INPP5D: variants seen among roughly 807,000 people sequenced by gnomAD.
The protein encoded by INPP5D is phosphatidylinositol 3,4,5-trisphosphate 5-phosphatase 1.
INPP5D carries 33 observed loss-of-function variants against 122.9 expected under a neutral mutation model. That is an observed-to-expected ratio of 0.27 (90% CI 0.20 to 0.36). The LOEUF is 0.36. Ranked by LOEUF, INPP5D falls within the 10% of genes least tolerant of loss-of-function variation. The probability of loss-of-function intolerance (pLI) is 1.00; values close to 1 mark genes in which losing one functional copy is unlikely to be tolerated. For synonymous variants in INPP5D, 584 were observed against 576.2 expected (o/e 1.01, Z -0.19); for missense variants, 1,053 against 1,412.7 (o/e 0.75, Z 4.08).
chr2:233,185,118 G>A (rs76217335), intron 20 of INPP5D, among the ~76,000 whole-genome samples: 216 of 152,252 alleles, frequency 1.4e-3, no homozygotes, highest in Middle Eastern at 0.014. Context: ...GGGAAGAGCT[G>A]CGTGTGTCCA....
intron 18 of INPP5D, 124 bp from the exon 19 acceptor site, chr2:233,182,286 G>A (rs1694803485): frequency 7.1e-7 from 1 of 1,404,404 alleles, no homozygotes; most frequent in African/African-American, 1.4e-5. Flanking sequence ...GACAACAGGT[G>A]CAAAACTTCG....
chr2:233,130,762 A>T, intron 5 of INPP5D, 114 bp downstream of exon 5: 1 of 1,098,946 alleles, frequency 9.1e-7, no homozygotes, highest in Non-Finnish European at 1.4e-6. Context: ...TGCCGCACTC[A>T]CAATAATTGA....
At chr2:233,109,610 G>A (rs955697353) in intron 2 of INPP5D, among the ~76,000 whole-genome samples, 7 of 151,932 alleles carry the variant, frequency 4.6e-5, no homozygotes, top group Admixed American at 3.3e-4. Flanking sequence ...ATGGAATCTC[G>A]CCCTGTTACC....
intron 1 of INPP5D, among the ~76,000 whole-genome samples, chr2:233,061,364 T>A (rs1691069768): frequency 6.6e-6 from 1 of 152,088 alleles, no homozygotes; most frequent in Admixed American, 6.5e-5. Context: ...CCCCTTCCTG[T>A]CCAGCGTCTG....
intron 1 of INPP5D, among the ~76,000 whole-genome samples, chr2:233,068,549 C>T (rs544224282): frequency 2.0e-5 from 3 of 151,212 alleles, no homozygotes; most frequent in Admixed American, 6.6e-5. Flanking sequence ...GAGCCGAGAT[C>T]GTGCCATTGC....
chr2:233,117,807 C>T (rs1271111822), intron 2 of INPP5D, among the ~76,000 whole-genome samples: 1 of 152,212 alleles, frequency 6.6e-6, no homozygotes, highest in African/African-American at 2.4e-5. Context: ...CCTTTAGCAA[C>T]GTGCTGGGGG....
chr2:233,181,642 G>A (rs1477553847), intron 18 of INPP5D, among the ~76,000 whole-genome samples: 1 of 151,986 alleles, frequency 6.6e-6, no homozygotes, highest in African/African-American at 2.4e-5. Context: ...ATTCTCACCC[G>A]AGCACCAAGC....
At chr2:233,083,284 G>T (rs889498995) in intron 2 of INPP5D, among the ~76,000 whole-genome samples, 1 of 152,198 alleles carries the variant, frequency 6.6e-6, no homozygotes, top group African/African-American at 2.4e-5. Flanking sequence ...GCTGGGAGTG[G>T]TGGGGAAGGA....
chr2:233,183,625 G>A lies in INPP5D; in HGVS notation c.2162-783G>A, dbSNP rs1694837341. Among the ~76,000 whole-genome samples, 1 of 152,182 alleles carries A rather than the reference G, an allele frequency of 6.6e-6. No individual in the cohort carries two copies. The highest frequency in any genetic ancestry group is 6.5e-5 in the Admixed American group (1 of 15,284). On this transcript the variant is annotated intron_variant, in intron 19 of 26. Transcript: ENST00000445964. The surrounding 1 kb of genome is among the most constrained non-coding windows in gnomAD (Gnocchi z 4.6). ...TATTCCGGGGTAGGGCATCCTCCAT[G>A]TCAGGCTGGGCTTCCCTCCACGGGG...
intron 2 of INPP5D, among the ~76,000 whole-genome samples, chr2:233,119,626 G>C (rs11885054): frequency 0.73 from 110,135 of 151,908 alleles, 44,243 homozygotes; most frequent in Non-Finnish European, 0.91. Flanking sequence ...ACACACATAC[G>C]CCCAGGCATA....
In INPP5D at chr2:233,204,697, C is replaced by T. The variant is rs774392138; in HGVS notation, c.3547C>T (p.Leu1183=). 8 of 1,540,952 alleles carry T rather than the reference C, an allele frequency of 5.2e-6. No homozygotes were observed. The highest frequency in any genetic ancestry group is 7.0e-6 in the Non-Finnish European group (8 of 1,146,662). ...GCCGGAGGAGGGGCCACCAGGGCCT[C>T]TAGGCAGGACTGCCATGCAGGTGCG... The part of the protein sequence containing the change: ...HRPEEGPPGP[L]GRTAMQ The change falls in exon 26 of 27, where the codon CTA becomes TTA. Residue 1183 remains leucine (L), a synonymous_variant. Transcript: ENST00000445964.
chr2:233,076,651 G>A (rs1364911265), intron 1 of INPP5D, among the ~76,000 whole-genome samples: 4 of 152,154 alleles, frequency 2.6e-5, no homozygotes, highest in Non-Finnish European at 5.9e-5. Flanking sequence ...AAAATATATT[G>A]TAGCATATAT....
At chr2:233,091,236 C>T (rs1399904274) in intron 2 of INPP5D, among the ~76,000 whole-genome samples, 1 of 152,206 alleles carries the variant, frequency 6.6e-6, no homozygotes, top group Admixed American at 6.5e-5. Context: ...CATGCCCTGT[C>T]CCATAGCCGC....
intron 18 of INPP5D, among the ~76,000 whole-genome samples, chr2:233,179,834 A>G (rs1370792398): frequency 6.6e-6 from 1 of 152,236 alleles, no homozygotes; most frequent in East Asian, 1.9e-4. Context: ...TCTCATGACA[A>G]TTAACATAGC....
chr2:233,079,276 G>A (rs757962255), intron 1 of INPP5D, 59 bp from the exon 2 acceptor site: 1 of 1,082,228 alleles, frequency 9.2e-7, no homozygotes, highest in African/African-American at 1.5e-5. Flanking sequence ...TGTCTTTTCA[G>A]TTAAGAGGAA....
At chr2:233,109,877 C>T (rs971580929) in intron 2 of INPP5D, among the ~76,000 whole-genome samples, 3 of 151,118 alleles carry the variant, frequency 2.0e-5, no homozygotes, top group Non-Finnish European at 3.0e-5. Flanking sequence ...GAAGCCACAG[C>T]GCCCACCAGT....
chr2:233,119,523 G>C (rs1469834371), intron 2 of INPP5D, among the ~76,000 whole-genome samples: 2 of 151,974 alleles, frequency 1.3e-5, no homozygotes, highest in Non-Finnish European at 2.9e-5. Context: ...CTTAACACGG[G>C]GCTTTGTGAA....
At position 233,204,469 on chromosome 2, in the gene INPP5D, A is replaced by C. The variant is rs1695429145; in HGVS notation, c.3319A>C (p.Lys1107Gln). The C allele has an allele frequency of 6.3e-7, 1 of 1,591,534 alleles. No individual in the cohort carries two copies. Among genetic ancestry groups the C allele is most frequent in the South Asian group, 1.1e-5 (1 of 88,100 alleles). Residue 1107 changes from lysine to glutamine, a missense_variant, in exon 26 of 27, where the codon AAG (lysine) becomes CAG (glutamine). Around this residue, in one of 6 missense-constraint regions of INPP5D, gnomAD observed 417 missense variants for 425.8 expected, o/e 0.98. Coordinates refer to ENST00000445964, the MANE Select transcript of INPP5D (RefSeq NM_001017915.3). ...AGGDKSQGKP[K>Q]TPVSSQAPVP... Reference sequence around the variant, plus strand: ...CGGGGACAAGAGCCAAGGGAAGCCCAAGACCCCGGTCAGCTCCCAGGCCCC... The same window carrying C: ...CGGGGACAAGAGCCAAGGGAAGCCCCAGACCCCGGTCAGCTCCCAGGCCCC...
chr2:233,146,064 G>T (rs1559317134), intron 6 of INPP5D, 98 bp from the exon 7 acceptor site: 2 of 703,680 alleles, frequency 2.8e-6, no homozygotes, highest in African/African-American at 3.5e-5. Context: ...CTGCGGGGAG[G>T]CTGGAATGGG....
Sources: gnomAD v4.1 joint callset for allele counts (sites outside exome capture counted in the v4.1 genomes callset) on GRCh38, gnomAD v4.1.1 for gene constraint, gnomAD v4.1.1 regional missense constraint, Gnocchi (gnomAD v3.1) non-coding constraint, MANE v1.5 for transcripts, NCBI Gene and HGNC (gene_info 2026-07-23, HGNC 2026-07-21) for gene names.